Variants in RPN2 observed in about 807,000 individuals in gnomAD.
RPN2 encodes ribophorin II.
Under a neutral mutation model 71.4 loss-of-function variants are expected in RPN2, and 29 were observed. That is an observed-to-expected ratio of 0.41 (90% CI 0.30 to 0.55). The LOEUF (loss-of-function observed/expected upper bound fraction) is 0.55, where lower values mean the gene tolerates loss of function less well. Ranked by LOEUF, RPN2 falls within the 20% of genes least tolerant of loss-of-function variation. The pLI, the probability that RPN2 is intolerant of heterozygous loss-of-function variation, is 0.35. For synonymous variants in RPN2, 308 were observed against 305.0 expected (o/e 1.01, Z -0.10); for missense variants, 726 against 774.1 (o/e 0.94, Z 0.74).
chr20:37,179,522 G>T, intron 1 of RPN2, 153 bp downstream of exon 1: 3 of 1,407,302 alleles, frequency 2.1e-6, no homozygotes, highest in Non-Finnish European at 1.9e-6. Flanking sequence ...TCGAGGGTCC[G>T]AAGGAGGGCT....
At chr20:37,204,663 G>A (rs1316358914) in intron 5 of RPN2, 104 bp from the exon 6 acceptor site, 1 of 1,228,468 alleles carries the variant, frequency 8.1e-7, no homozygotes, top group Non-Finnish European at 1.2e-6. Context: ...CAGATTTAGA[G>A]TGAGAGATGT....
chr20:37,201,500 A>G (rs1029369167), intron 4 of RPN2, among the ~76,000 whole-genome samples: 1 of 152,068 alleles, frequency 6.6e-6, no homozygotes. Flanking sequence ...TCTGTACCCA[A>G]CGGAGTTAAT....
intron 4 of RPN2, among the ~76,000 whole-genome samples, chr20:37,200,051 G>A (rs896779722): frequency 6.6e-6 from 1 of 151,522 alleles, no homozygotes; most frequent in African/African-American, 2.4e-5. Context: ...CTAGAGTGCA[G>A]TGACGCGATC....
chr20:37,228,494 G>C, intron 11 of RPN2, 56 bp from the exon 12 acceptor site: 1 of 1,538,710 alleles, frequency 6.5e-7, no homozygotes, highest in Non-Finnish European at 9.0e-7. Flanking sequence ...TCAATGTTAG[G>C]CCCAGGGAGA....
At chr20:37,212,011 T>C (rs962476772) in intron 8 of RPN2, among the ~76,000 whole-genome samples, 19 of 152,228 alleles carry the variant, frequency 1.2e-4, no homozygotes, top group African/African-American at 4.3e-4. Context: ...CCTCAGGTGA[T>C]CCTCCCACCT....
intron 2 of RPN2, among the ~76,000 whole-genome samples, chr20:37,187,935 G>A (rs906274818): frequency 2.6e-5 from 4 of 151,990 alleles, no homozygotes; most frequent in South Asian, 2.1e-4. Flanking sequence ...GAGCCACTGC[G>A]CCCAGCCCCT....
At position 37,181,498 on chromosome 20, in the gene RPN2, C is replaced by T. The variant is rs2066882862; in HGVS notation, c.13+2129C>T. Among the ~76,000 whole-genome samples, 2 of 150,846 alleles carry T rather than the reference C, an allele frequency of 1.3e-5. 1 individual carries two copies. Among genetic ancestry groups the T allele is most frequent in the South Asian group, 4.2e-4 (2 of 4,806 alleles). On this transcript the variant is annotated intron_variant, in intron 1 of 16. Transcript: ENST00000237530. ...GCAGTGGCACGATCTCAGCTCACTG[C>T]CCACTCTGCTTCCCAGATCAAGTGA...
intron 9 of RPN2, among the ~76,000 whole-genome samples, chr20:37,216,062 G>T (rs548852512): frequency 1.4e-4 from 22 of 152,150 alleles, no homozygotes; most frequent in Non-Finnish European, 3.1e-4. Context: ...CCTAGGGCCA[G>T]GTGAGGTGGC....
chr20:37,199,243 G>C lies in RPN2; in HGVS notation c.479+18G>C, dbSNP rs2067325779. ...GTGCTGGCGTGAGTTGTCATCTCGAGCATTTCTCAGGCTTCATTTGTCTCG... is the reference window on the plus strand; with the variant it reads ...GTGCTGGCGTGAGTTGTCATCTCGACCATTTCTCAGGCTTCATTTGTCTCG... On this transcript the variant is annotated intron_variant, in intron 4 of 16. Transcript: ENST00000237530. 1 of 1,612,244 alleles carries C rather than the reference G, an allele frequency of 6.2e-7. No homozygotes were observed.
Position 37,203,818 on chromosome 20 carries a change from T to G in RPN2, c.480-67T>G, listed in dbSNP as rs761831299. On this transcript the variant is annotated intron_variant, in intron 4 of 16. Coordinates refer to ENST00000237530, the MANE Select transcript of RPN2 (RefSeq NM_002951.5). ...TAGGATATTTGTGAAAGTGTCCAAGTACGGGAAGGGGTGAGTGGATGAAAC... is the reference window on the plus strand; with the variant it reads ...TAGGATATTTGTGAAAGTGTCCAAGGACGGGAAGGGGTGAGTGGATGAAAC... 68 of 1,096,602 alleles carry G rather than the reference T, an allele frequency of 6.2e-5. 1 individual carries two copies. The Middle Eastern group carries it at 1.2e-3, about 19-fold the overall frequency. 67.9% of individuals were successfully genotyped at this position (1,096,602 alleles called of 1,614,324 possible).
Position 37,199,140 on chromosome 20 carries a change from C to G in RPN2, c.394C>G (p.Leu132Val), listed in dbSNP as rs144151309. The G allele has an allele frequency of 1.2e-6, 2 of 1,614,236 alleles. No homozygotes were observed. Among genetic ancestry groups the G allele is most frequent in the South Asian group, 1.1e-5 (1 of 91,086 alleles). ...VTQIYHAVAALSGFGLPLASQ... is the reference protein window; with the variant it reads ...VTQIYHAVAAVSGFGLPLASQ... The stretch of plus-strand genomic sequence containing the variant: ...CCAGATCTACCATGCAGTTGCAGCT[C>G]TAAGTGGCTTTGGCCTTCCCTTGGC... Residue 132 changes from leucine (L) to valine (V), a missense_variant, in exon 4 of 17, where the codon CTA (leucine) becomes GTA (valine). Transcript: ENST00000237530.
At chr20:37,208,330 A>T (rs1020253263) in intron 7 of RPN2, among the ~76,000 whole-genome samples, 2 of 151,404 alleles carry the variant, frequency 1.3e-5, no homozygotes, top group African/African-American at 4.8e-5. Flanking sequence ...TTCTAGGTCT[A>T]TAACTCCAGA....
At chr20:37,213,994 A>C in intron 9 of RPN2, 129 bp downstream of exon 9, 2 of 748,386 alleles carry the variant, frequency 2.7e-6, no homozygotes, top group Non-Finnish European at 4.8e-6. Flanking sequence ...ATGTGGAGGG[A>C]GGGCTGCATT....
intron 2 of RPN2, among the ~76,000 whole-genome samples, chr20:37,197,989 G>GTAGCTT (rs1392515971): frequency 2.3e-4 from 35 of 152,176 alleles, no homozygotes; most frequent in Admixed American, 2.3e-3. Flanking sequence ...CTGCCACTTG[G>GTAGCTT]TAGCTTTGTC....
intron 7 of RPN2, among the ~76,000 whole-genome samples, chr20:37,207,667 C>T (rs1050028354): frequency 1.3e-5 from 2 of 152,074 alleles, no homozygotes; most frequent in African/African-American, 4.8e-5. Flanking sequence ...ATTTTTTTCC[C>T]CTCGTGGATT....
At chr20:37,229,037 A>G (rs2068161543) in intron 12 of RPN2, among the ~76,000 whole-genome samples, 1 of 152,226 alleles carries the variant, frequency 6.6e-6, no homozygotes. Flanking sequence ...CCGTTTTCAT[A>G]TTATAGCAGG....
Position 37,241,507 on chromosome 20 carries a change from C to G in RPN2, c.*192C>G. On this transcript the variant is annotated 3_prime_UTR_variant, in exon 17 of 17. Coordinates refer to ENST00000237530, the MANE Select transcript of RPN2 (RefSeq NM_002951.5). ...CAGATACCTGGTGAGCTCAGATAGT[C>G]TCTTTCTCTGACACTGTGTAAGAAG... The G allele has an allele frequency of 1.5e-6, 1 of 664,128 alleles. No homozygotes were observed. Among genetic ancestry groups the G allele is most frequent in the South Asian group, 1.8e-5 (1 of 54,598 alleles). The allele number at this position is 664,128 out of a possible 1,614,324, so 41.1% of individuals were successfully genotyped here.
chr20:37,189,301 A>G (rs565647751), intron 2 of RPN2, among the ~76,000 whole-genome samples: 2 of 146,688 alleles, frequency 1.4e-5, no homozygotes, highest in Non-Finnish European at 3.0e-5. Flanking sequence ...ATTTTTGCCA[A>G]TGGGCCAAAC....
At chr20:37,240,518 T>G (rs776608596) in intron 16 of RPN2, among the ~76,000 whole-genome samples, 1 of 152,142 alleles carries the variant, frequency 6.6e-6, no homozygotes, top group Non-Finnish European at 1.5e-5. Flanking sequence ...TGGGAAGAGC[T>G]GCCACTGAAG....
Sources: allele counts gnomAD v4.1 joint callset (sites outside exome capture counted in the v4.1 genomes callset), GRCh38; gene constraint gnomAD v4.1.1; transcripts MANE v1.5; gene names NCBI Gene and HGNC (gene_info 2026-07-23, HGNC 2026-07-21).